TACR3: variants seen among roughly 807,000 people sequenced by gnomAD.
TACR3 encodes the protein tachykinin receptor 3, also known as neuromedin-K receptor.
In TACR3, 34 loss-of-function variants were observed where a neutral mutation model predicts 35.0. The ratio of observed to expected loss-of-function variants is 0.97; its 90% CI spans 0.74 to 1.30. TACR3 has a LOEUF of 1.30. TACR3 is among the 50% of genes most tolerant of loss of function. TACR3 has a pLI of 0.00. For synonymous variants in TACR3, 233 were observed against 221.1 expected (o/e 1.05, Z -0.48); for missense variants, 558 against 591.7 (o/e 0.94, Z 0.59).
intron 1 of TACR3, among the ~76,000 whole-genome samples, chr4:103,687,359 A>C (rs372601620): frequency 6.6e-5 from 10 of 152,082 alleles, no homozygotes; most frequent in East Asian, 3.9e-4. Context: ...CCCTCTCTCA[A>C]CACTCCTATT....
intron 1 of TACR3, among the ~76,000 whole-genome samples, chr4:103,685,660 A>G (rs1437044584): frequency 6.6e-6 from 1 of 152,184 alleles, no homozygotes; most frequent in Non-Finnish European, 1.5e-5. Flanking sequence ...ACACTTCACA[A>G]TAGAGTATAC....
chr4:103,674,435 C>T (rs1346216227), intron 1 of TACR3, among the ~76,000 whole-genome samples: 1 of 152,102 alleles, frequency 6.6e-6, no homozygotes, highest in East Asian at 1.9e-4. Flanking sequence ...TAGGCTCCCT[C>T]ACAACTCTGA....
intron 3 of TACR3, 29 bp from the exon 4 acceptor site, chr4:103,591,712 A>T (rs1723901583): frequency 6.4e-7 from 1 of 1,574,800 alleles, no homozygotes; most frequent in Admixed American, 1.8e-5. Flanking sequence ...ATTTTTGACA[A>T]ATATAATACT....
chr4:103,597,182 C>T (rs1172858523), intron 3 of TACR3, among the ~76,000 whole-genome samples: 1 of 145,054 alleles, frequency 6.9e-6, no homozygotes. Flanking sequence ...GCCACACTGA[C>T]TTCCACAATG....
intron 3 of TACR3, among the ~76,000 whole-genome samples, chr4:103,643,003 T>G (rs1366365500): frequency 5.3e-5 from 8 of 151,826 alleles, no homozygotes; most frequent in Non-Finnish European, 1.2e-4. Flanking sequence ...TTGTTAAAAT[T>G]AATGGCACTT....
intron 1 of TACR3, among the ~76,000 whole-genome samples, chr4:103,682,869 T>A (rs1722131059): frequency 6.6e-6 from 1 of 152,102 alleles, no homozygotes; most frequent in Non-Finnish European, 1.5e-5. Context: ...GAATTCATGT[T>A]AACTTGATTT....
At chr4:103,659,232 G>A (rs934778201) in intron 1 of TACR3, among the ~76,000 whole-genome samples, 1 of 152,162 alleles carries the variant, frequency 6.6e-6, no homozygotes, top group South Asian at 2.1e-4. Context: ...CTAACCCAGG[G>A]AACTGGGTAC....
intron 1 of TACR3, among the ~76,000 whole-genome samples, chr4:103,701,888 C>A (rs1361285198): frequency 2.0e-5 from 3 of 152,104 alleles, no homozygotes; most frequent in Admixed American, 6.5e-5. Flanking sequence ...ACACCTTATA[C>A]AAAAATTAAT....
chr4:103,675,320 T>G (rs1303496765), intron 1 of TACR3, among the ~76,000 whole-genome samples: 2 of 152,182 alleles, frequency 1.3e-5, no homozygotes, highest in Non-Finnish European at 2.9e-5. Flanking sequence ...TCTAGAAGAT[T>G]AACTGCAATT....
chr4:103,706,055 C>T (rs57425649), intron 1 of TACR3, among the ~76,000 whole-genome samples: 6,158 of 152,158 alleles, frequency 0.04, 409 homozygotes, highest in African/African-American at 0.14. Flanking sequence ...CCAGAAAAGA[C>T]ATGAGGGTGG....
At chr4:103,647,930 C>G (rs962445338) in intron 3 of TACR3, among the ~76,000 whole-genome samples, 7 of 151,788 alleles carry the variant, frequency 4.6e-5, no homozygotes, top group African/African-American at 1.7e-4. Context: ...ATGCTAGGTT[C>G]TATATAACAT....
chr4:103,630,959 A>G (rs1725045039), intron 3 of TACR3, among the ~76,000 whole-genome samples: 3 of 152,368 alleles, frequency 2.0e-5, no homozygotes, highest in Non-Finnish European at 4.4e-5. Flanking sequence ...GACTGGATTA[A>G]GAAAATGTGG....
In TACR3 at chr4:103,588,665, A is replaced by C. The variant is rs774956459; in HGVS notation, c.*1017T>G. 1 of 152,122 alleles carries C rather than the reference A, an allele frequency of 6.6e-6. No homozygotes were observed. Among genetic ancestry groups the C allele is most frequent in the South Asian group, 2.1e-4 (1 of 4,828 alleles). The allele number at this position is 152,122 out of a possible 1,614,324, so 9.4% of individuals were successfully genotyped here. On this transcript the variant is annotated 3_prime_UTR_variant, in exon 5 of 5. Coordinates refer to ENST00000304883, the MANE Select transcript of TACR3 (RefSeq NM_001059.3). ...TTTCTAAGAGGTAATTCACTTGTCT[A>C]CACCTTGCCTAGTTTACTCATATGT...
In TACR3 at chr4:103,637,837, A is replaced by T. The variant is rs574373363; in HGVS notation, c.888+18357T>A. ...AAATCATGAGTGAACTCCCTTTCAC[A>T]ATTGCTACAAAGAGAATAAAAAACC... On this transcript the variant is annotated intron_variant, in intron 3 of 4. Transcript: ENST00000304883. 7.2e-5 allele frequency among the ~76,000 whole-genome samples: 11 copies of T among 152,290 alleles called. No individual in the cohort carries two copies. The East Asian group carries it at 1.9e-3, about 27-fold the overall frequency.
At chr4:103,704,976 C>T (rs1352553918) in intron 1 of TACR3, among the ~76,000 whole-genome samples, 3 of 152,130 alleles carry the variant, frequency 2.0e-5, no homozygotes, top group South Asian at 2.1e-4. Flanking sequence ...TTTATTTCTA[C>T]ATAAAATTTC....
chr4:103,623,176 A>T (rs1285544097), intron 3 of TACR3, among the ~76,000 whole-genome samples: 1 of 151,904 alleles, frequency 6.6e-6, no homozygotes, highest in Non-Finnish European at 1.5e-5. Context: ...CTTCCTGTGA[A>T]GAAGATTTAA....
In TACR3 at chr4:103,663,857, GA is replaced by G. The variant is rs772547874; in HGVS notation, c.549-5455del. Among the ~76,000 whole-genome samples, 85 of 152,320 alleles carry G rather than the reference GA, an allele frequency of 5.6e-4. 1 individual carries two copies. Among genetic ancestry groups the G allele is most frequent in the Non-Finnish European group, 5.3e-4 (36 of 68,026 alleles). On this transcript the variant is annotated intron_variant, in intron 1 of 4. Transcript: ENST00000304883. ...TGAACAAACATTCTCTGGACCTTGA[GA>G]ATAAATAGTCAGATGTGAGATATAA...
At chr4:103,615,398 TGAGAGAGAGA>T (rs111766715) in intron 3 of TACR3, among the ~76,000 whole-genome samples, 3,292 of 117,188 alleles carry the variant, frequency 0.028, 119 homozygotes, top group African/African-American at 0.09. Context: ...TGTGTGTGTG[TGAGAGAGAGA>T]GAGAGAGAGA....
chr4:103,625,267 T>C (rs971130847), intron 3 of TACR3, among the ~76,000 whole-genome samples: 2 of 152,112 alleles, frequency 1.3e-5, no homozygotes, highest in African/African-American at 4.8e-5. Flanking sequence ...GTATAAAACG[T>C]GTAAGGACTA....
Sources: gnomAD v4.1 joint callset for allele counts (sites outside exome capture counted in the v4.1 genomes callset) on GRCh38, gnomAD v4.1.1 for gene constraint, MANE v1.5 for transcripts, NCBI Gene and HGNC (gene_info 2026-07-23, HGNC 2026-07-21) for gene names.